SIPA1L3: variants seen among roughly 807,000 people sequenced by gnomAD.
The protein encoded by SIPA1L3 is signal induced proliferation associated 1 like 3.
Under a neutral mutation model 150.1 loss-of-function variants are expected in SIPA1L3, and 59 were observed. That is an observed-to-expected ratio of 0.39 (90% confidence interval 0.32 to 0.49). The LOEUF (loss-of-function observed/expected upper bound fraction) is 0.49, where lower values mean the gene tolerates loss of function less well. Among genes scored for constraint, SIPA1L3 ranks in the 20% least tolerant of loss-of-function variants. The pLI is 0.86. For synonymous variants in SIPA1L3, 1,070 were observed against 1,077.6 expected (o/e 0.99, Z 0.14); for missense variants, 2,211 against 2,489.5 (o/e 0.89, Z 2.38).
At chr19:38,054,675 CA>C (rs1969277814) in intron 2 of SIPA1L3, among the ~76,000 whole-genome samples, 1 of 152,204 alleles carries the variant, frequency 6.6e-6, no homozygotes, top group African/African-American at 2.4e-5. Flanking sequence ...CTCTTGGTCA[CA>C]AGGAGAGGCC....
Position 38,015,704 on chromosome 19 carries a change from A to G in SIPA1L3, c.-378-13385A>G, listed in dbSNP as rs534361725. On this transcript the variant is annotated intron_variant, in intron 1 of 21. Coordinates refer to ENST00000222345, the MANE Select transcript of SIPA1L3 (RefSeq NM_015073.3). ...AGGTCACAGCTCTCCAGCCTGGGTG[A>G]CAGAGCAAGATCCTGTTAAAAAAAA... Among the ~76,000 whole-genome samples the G allele has an allele frequency of 6.4e-5, 9 of 140,572 alleles. No individual in the cohort carries two copies. In the East Asian group the frequency reaches 1.9e-3, roughly 30 times the overall value. 92.2% of individuals were successfully genotyped at this position (140,572 alleles called of 152,430 possible).
At chr19:37,915,887 T>A (rs182881042) in intron 1 of SIPA1L3, among the ~76,000 whole-genome samples, 2 of 152,198 alleles carry the variant, frequency 1.3e-5, no homozygotes, top group Admixed American at 1.3e-4. Context: ...TAGTGGGTGC[T>A]TTTAAGACTA....
At chr19:38,191,785 T>A (rs1442176276) in intron 16 of SIPA1L3, among the ~76,000 whole-genome samples, 1 of 152,070 alleles carries the variant, frequency 6.6e-6, no homozygotes, top group Non-Finnish European at 1.5e-5. Context: ...CACTCCAGCC[T>A]GGGTGACAGG....
Position 38,192,327 on chromosome 19 carries a change from C to A in SIPA1L3, c.4596+17C>A. On this transcript the variant is annotated intron_variant, in intron 17 of 21. Coordinates refer to ENST00000222345, the MANE Select transcript of SIPA1L3 (RefSeq NM_015073.3). ...GACACGGGAGTACGTAGGGCCCTGTCCCCCGCTCCCGACCCCCAGCTCCCA... is the reference window on the plus strand; with the variant it reads ...GACACGGGAGTACGTAGGGCCCTGTACCCCGCTCCCGACCCCCAGCTCCCA... 6.4e-7 allele frequency: 1 copy of A among 1,569,266 alleles called. No homozygotes were observed. Among genetic ancestry groups the A allele is most frequent in the Non-Finnish European group, 8.6e-7 (1 of 1,159,614 alleles).
chr19:38,113,231 A>AT (rs1970807216), intron 8 of SIPA1L3, among the ~76,000 whole-genome samples: 1 of 151,042 alleles, frequency 6.6e-6, no homozygotes, highest in Admixed American at 6.6e-5. Flanking sequence ...AAAAAAAAAA[A>AT]GACTGAACTC....
intron 4 of SIPA1L3, among the ~76,000 whole-genome samples, chr19:38,089,388 A>G (rs1970213576): frequency 6.6e-6 from 1 of 152,108 alleles, no homozygotes. Context: ...TCAGTGAACC[A>G]GTAGCCAGAC....
chr19:37,918,645 G>A (rs1157907559), intron 1 of SIPA1L3, among the ~76,000 whole-genome samples: 3 of 151,780 alleles, frequency 2.0e-5, no homozygotes, highest in Non-Finnish European at 2.9e-5. Flanking sequence ...TGAGGAGGGC[G>A]GATCACCTGA....
intron 1 of SIPA1L3, among the ~76,000 whole-genome samples, chr19:37,920,613 A>G (rs778810711): frequency 6.6e-6 from 1 of 152,318 alleles, no homozygotes; most frequent in African/African-American, 2.4e-5. Context: ...AAGTACAACA[A>G]ATTTCACCCA....
chr19:38,096,152 T>C (rs1970375575), intron 4 of SIPA1L3, among the ~76,000 whole-genome samples: 1 of 152,188 alleles, frequency 6.6e-6, no homozygotes, highest in Non-Finnish European at 1.5e-5. Flanking sequence ...GTGGGTTGTG[T>C]GCTTAGAGGC....
At chr19:38,030,023 T>G (rs936876135) in intron 2 of SIPA1L3, among the ~76,000 whole-genome samples, 1 of 151,978 alleles carries the variant, frequency 6.6e-6, no homozygotes, top group Admixed American at 6.6e-5. Context: ...CCCGGCTGAT[T>G]TTTGTATTTT....
intron 13 of SIPA1L3, among the ~76,000 whole-genome samples, chr19:38,158,898 C>T (rs1600149195): frequency 6.6e-6 from 1 of 152,130 alleles, no homozygotes; most frequent in Non-Finnish European, 1.5e-5. Flanking sequence ...GCAGGGCAGC[C>T]GAGTTCAAGT....
intron 9 of SIPA1L3, among the ~76,000 whole-genome samples, chr19:38,125,939 C>T (rs528181883): frequency 6.6e-6 from 1 of 152,230 alleles, no homozygotes; most frequent in Non-Finnish European, 1.5e-5. Context: ...TTTGGAAGGC[C>T]GAGGCGGGTG....
intron 12 of SIPA1L3, among the ~76,000 whole-genome samples, chr19:38,151,552 C>T (rs1971822213): frequency 6.6e-6 from 1 of 152,290 alleles, no homozygotes; most frequent in East Asian, 1.9e-4. Flanking sequence ...AATTTTGTCA[C>T]AGGCCTGTCT....
At chr19:38,068,045 CAG>C (rs1452170764) in intron 2 of SIPA1L3, among the ~76,000 whole-genome samples, 1 of 134,868 alleles carries the variant, frequency 7.4e-6, no homozygotes, top group African/African-American at 2.8e-5. Context: ...TTTTTTGAGA[CAG>C]AGTCTCACTC....
chr19:38,112,435 C>A (rs1248403447), intron 8 of SIPA1L3, among the ~76,000 whole-genome samples: 1 of 152,220 alleles, frequency 6.6e-6, no homozygotes, highest in Non-Finnish European at 1.5e-5. Flanking sequence ...CCCTCTCCTA[C>A]TGGGGTCATC....
chr19:38,081,175 T>A, intron 2 of SIPA1L3, 81 bp from the exon 3 acceptor site: 1 of 403,110 alleles, frequency 2.5e-6, no homozygotes. Flanking sequence ...AGTAAGGCTG[T>A]CAAGAAAAGT....
At chr19:37,975,474 C>A (rs561904114) in intron 1 of SIPA1L3, among the ~76,000 whole-genome samples, 2 of 152,104 alleles carry the variant, frequency 1.3e-5, no homozygotes, top group Non-Finnish European at 2.9e-5. Flanking sequence ...CCCACCAGCA[C>A]GTCACAGTGT....
intron 1 of SIPA1L3, among the ~76,000 whole-genome samples, chr19:37,941,147 C>T (rs1345397619): frequency 6.6e-6 from 1 of 150,902 alleles, no homozygotes; most frequent in Non-Finnish European, 1.5e-5. Flanking sequence ...GCAGGCAGGG[C>T]TAGCCGTCCT....
intron 1 of SIPA1L3, among the ~76,000 whole-genome samples, chr19:37,956,482 G>GTTTTTTTTTTTTTTTT (rs34804753): frequency 7.9e-6 from 1 of 126,882 alleles, no homozygotes. Flanking sequence ...AAGTATAAAA[G>GTTTTTTTTTTTTTTTT]TTTTGTTTTT....
Sources: gnomAD v4.1 joint callset for allele counts (sites outside exome capture counted in the v4.1 genomes callset) on GRCh38, gnomAD v4.1.1 for gene constraint, MANE v1.5 for transcripts, NCBI Gene and HGNC (gene_info 2026-07-23, HGNC 2026-07-21) for gene names.